The following SIN3B variants were observed in gnomAD, a reference collection of about 807,000 sequenced individuals.
The protein encoded by SIN3B is SIN3 transcription regulator family member B, also known as paired amphipathic helix protein Sin3b.
A neutral mutation model predicts 120.2 loss-of-function variants in SIN3B; 19 were observed. The observed-to-expected ratio is 0.16, with a 90% CI of 0.11 to 0.23. SIN3B has a LOEUF of 0.23. SIN3B is among the 10% of genes least tolerant of loss of function. The probability of loss-of-function intolerance (pLI) is 1.00; values close to 1 mark genes in which losing one functional copy is unlikely to be tolerated. For missense variants in SIN3B, 1,073 were observed against 1,573.0 expected (o/e 0.68, Z 5.38); for synonymous variants, 654 against 653.2 (o/e 1.00, Z -0.02).
At chr19:16,853,973 T>A (rs1971579487) in intron 7 of SIN3B, among the ~76,000 whole-genome samples, 170 bp from the exon 8 acceptor site, 1 of 152,160 alleles carries the variant, frequency 6.6e-6, no homozygotes, top group Non-Finnish European at 1.5e-5. Flanking sequence ...GGCCGTGAAT[T>A]GGTGCATGGA....
At chr19:16,851,230 G>A (rs1197790007) in intron 5 of SIN3B, among the ~76,000 whole-genome samples, 182 bp from the exon 6 acceptor site, 1 of 152,240 alleles carries the variant, frequency 6.6e-6, no homozygotes, top group Non-Finnish European at 1.5e-5. Context: ...TGATGATTCG[G>A]TTACCTTGGA....
chr19:16,829,808 C>T lies in SIN3B; in HGVS notation c.138C>T (p.Thr46=). The part of the protein sequence containing the change: ...KLPVHVEDAL[T]YLDQVKIRFG... ...CTCTGCAGGTAGAAGACGCCCTCAC[C>T]TATCTGGACCAGGTGAAGATCCGCT... The change falls in exon 2 of 19, where the codon ACC becomes ACT. Residue 46 remains threonine, a synonymous_variant. Transcript: ENST00000248054. The T allele has an allele frequency of 6.2e-7, 1 of 1,613,252 alleles. No individual in the cohort carries two copies. The highest frequency in any genetic ancestry group is 1.1e-5 in the South Asian group (1 of 90,966).
At chr19:16,857,691 C>T (rs1362862566) in intron 8 of SIN3B, among the ~76,000 whole-genome samples, 3 of 152,116 alleles carry the variant, frequency 2.0e-5, no homozygotes, top group Non-Finnish European at 4.4e-5. Flanking sequence ...ACTCCAGGAG[C>T]ACCCCCGCAT....
In SIN3B at chr19:16,876,751, C is replaced by T. The variant is rs574399036; in HGVS notation, c.2859+173C>T. Among the ~76,000 whole-genome samples the T allele has an allele frequency of 2.0e-5, 3 of 152,166 alleles. No homozygotes were observed. Among genetic ancestry groups the T allele is most frequent in the Non-Finnish European group, 2.9e-5 (2 of 68,012 alleles). On this transcript the variant is annotated intron_variant, in intron 16 of 18. Transcript: ENST00000248054. The surrounding 1 kb of genome is among the most constrained non-coding windows in gnomAD (Gnocchi z 7.1). ...GGGGTTGCCTCCCTCCCTGCTCCCC[C>T]ACCAGGCTCTCTTCTGTGCCCCCTC...
chr19:16,863,902 C>G lies in SIN3B; in HGVS notation c.1383+106C>G, dbSNP rs908332735. On this transcript the variant is annotated intron_variant, in intron 10 of 18. Coordinates refer to ENST00000248054, the MANE Select transcript of SIN3B (RefSeq NM_001297595.2). ...ACTGCCCCAGTCTCGTTTGGAGGAGCAGGAATTGCAGCACATTCCAACAGC... is the reference window on the plus strand; with the variant it reads ...ACTGCCCCAGTCTCGTTTGGAGGAGGAGGAATTGCAGCACATTCCAACAGC... 7.9e-6 allele frequency: 6 copies of G among 759,992 alleles called. No homozygotes were observed. The African/African-American group carries it at 1.0e-4, about 13-fold the overall frequency. 47.1% of individuals were successfully genotyped at this position (759,992 alleles called of 1,614,324 possible).
rs747935169 is a variant in SIN3B, at chr19:16,829,807, C to G, written c.137C>G (p.Thr46Ser). 3 of 1,613,154 alleles carry G rather than the reference C, an allele frequency of 1.9e-6. No individual in the cohort carries two copies. The highest frequency in any genetic ancestry group is 2.2e-5 in the East Asian group (1 of 44,860). The part of the protein sequence containing the change: ...KLPVHVEDAL[T>S]YLDQVKIRFG... ...TCTCTGCAGGTAGAAGACGCCCTCA[C>G]CTATCTGGACCAGGTGAAGATCCGC... Residue 46 changes from threonine (T) to serine (S), a missense_variant, in exon 2 of 19, where the codon ACC (threonine) becomes AGC (serine). This residue lies in a region of SIN3B where 395 missense variants were observed against 528.0 expected (regional missense o/e 0.75). Transcript: ENST00000248054.
chr19:16,874,222 A>T (rs2608719), intron 14 of SIN3B, among the ~76,000 whole-genome samples: 18,417 of 152,012 alleles, frequency 0.12, 2,495 homozygotes, highest in African/African-American at 0.34. Flanking sequence ...TTTGGAACAT[A>T]TTTTTCCGTG....
chr19:16,876,014 A>G lies in SIN3B; in HGVS notation c.2593-41A>G. 6.6e-7 allele frequency: 1 copy of G among 1,523,274 alleles called. No individual in the cohort carries two copies. The highest frequency in any genetic ancestry group is 8.8e-7 in the Non-Finnish European group (1 of 1,132,758). The allele number at this position is 1,523,274 out of a possible 1,614,324, so 94.4% of individuals were successfully genotyped here. Reference sequence around the variant, plus strand: ...CTGTGGGTGAGGTGGGGACTCCCGCAGGAGGCGGGGTGGCCGCACCACCTG... The same window carrying G: ...CTGTGGGTGAGGTGGGGACTCCCGCGGGAGGCGGGGTGGCCGCACCACCTG... On this transcript the variant is annotated intron_variant, in intron 14 of 18. Transcript: ENST00000248054. The surrounding 1 kb of genome is among the most constrained non-coding windows in gnomAD (Gnocchi z 7.1).
chr19:16,830,032 CT>C, intron 2 of SIN3B, 135 bp downstream of exon 2: 2 of 617,808 alleles, frequency 3.2e-6, no homozygotes, highest in Non-Finnish European at 5.9e-6. Context: ...TCTCAGAGCC[CT>C]AGCTCCTTCT....
chr19:16,862,851 C>CG lies in SIN3B; in HGVS notation c.1266+295dup. On this transcript the variant is annotated intron_variant, in intron 9 of 18. Transcript: ENST00000248054. The surrounding 1 kb of genome is among the most constrained non-coding windows in gnomAD (Gnocchi z 4.7). ...TTGCTGCCATGATTCTGCTCTGTCCCGGGCTCACTGACCTCAGTGTGTTTC... is the reference window on the plus strand; with the variant it reads ...TTGCTGCCATGATTCTGCTCTGTCCCGGGGCTCACTGACCTCAGTGTGTTTC... 1 of 1,526,334 alleles carries CG rather than the reference C, an allele frequency of 6.6e-7. No homozygotes were observed. Among genetic ancestry groups the CG allele is most frequent in the South Asian group, 1.1e-5 (1 of 89,228 alleles). The allele number at this position is 1,526,334 out of a possible 1,614,324, so 94.5% of individuals were successfully genotyped here. A position where few individuals can be genotyped will look rare whatever the true frequency, so the allele number is the denominator to read the frequency against.
At chr19:16,843,582 C>G (rs1323541942) in intron 4 of SIN3B, among the ~76,000 whole-genome samples, 1 of 152,156 alleles carries the variant, frequency 6.6e-6, no homozygotes, top group African/African-American at 2.4e-5. Flanking sequence ...GGGGTCATCA[C>G]ATTTAGGAAG....
chr19:16,830,171 C>T (rs1041890943), intron 2 of SIN3B, among the ~76,000 whole-genome samples: 1 of 152,192 alleles, frequency 6.6e-6, no homozygotes, highest in Non-Finnish European at 1.5e-5. Context: ...CAAATCCTGC[C>T]TTGATTTAAT....
intron 2 of SIN3B, 62 bp downstream of exon 2, chr19:16,829,959 GGT>G: frequency 8.7e-7 from 1 of 1,155,882 alleles, no homozygotes; most frequent in Non-Finnish European, 1.3e-6. Context: ...GGCCTAGCGG[GGT>G]GAGACCTCCC....
At chr19:16,835,303 G>T in intron 3 of SIN3B, among the ~76,000 whole-genome samples, 1 of 144,808 alleles carries the variant, frequency 6.9e-6, no homozygotes, top group African/African-American at 2.6e-5. Flanking sequence ...ATCTTGGCTC[G>T]CTGCATCCTC....
At position 16,854,205 on chromosome 19, in the gene SIN3B, C is replaced by G. The variant is rs1200893243; in HGVS notation, c.1002C>G (p.Phe334Leu). Reference protein sequence around the residue: ...YENFLRCIALFNQELVSGSEL... With the variant: ...YENFLRCIALLNQELVSGSEL... The stretch of plus-strand genomic sequence containing the variant: ...ACTTCCTCCGCTGCATCGCACTCTT[C>G]AACCAGGAGCTGGTGTCTGGCTCTG... The change falls in exon 8 of 19, where the codon TTC becomes TTG. Residue 334 changes from phenylalanine to leucine, a missense_variant. By Grantham distance (22) the Phe-to-Leu change is conservative (BLOSUM62 0). Transcript: ENST00000248054. 1 of 1,613,120 alleles carries G rather than the reference C, an allele frequency of 6.2e-7. No individual in the cohort carries two copies. The highest frequency in any genetic ancestry group is 1.1e-5 in the South Asian group (1 of 91,000).
intron 8 of SIN3B, among the ~76,000 whole-genome samples, chr19:16,856,157 A>G (rs1171276394): frequency 6.6e-6 from 1 of 152,222 alleles, no homozygotes; most frequent in Admixed American, 6.5e-5. Flanking sequence ...TGGCCAGGTC[A>G]GCCTCAGGAA....
rs376961716 is a variant in SIN3B, at chr19:16,878,936, G to A, written c.*209G>A. 1.1e-3 allele frequency: 642 copies of A among 576,142 alleles called. 4 individuals carry two copies. Among genetic ancestry groups the A allele is most frequent in the African/African-American group, 9.2e-3 (484 of 52,642 alleles). 35.7% of individuals were successfully genotyped at this position (576,142 alleles called of 1,614,324 possible). On this transcript the variant is annotated 3_prime_UTR_variant, in exon 19 of 19. Coordinates refer to ENST00000248054, the MANE Select transcript of SIN3B (RefSeq NM_001297595.2). The stretch of plus-strand genomic sequence containing the variant: ...TGCCAAACCTGAGCTACCTGCACCC[G>A]AGCCCTGGGGCTCAGCCCCACCACA...
chr19:16,871,859 C>T (rs73523455), intron 14 of SIN3B, among the ~76,000 whole-genome samples: 1,648 of 152,280 alleles, frequency 0.011, 25 homozygotes, highest in African/African-American at 0.036. Flanking sequence ...AGCAATGCTG[C>T]TCTGAACATT....
rs112082248 is a variant in SIN3B, at chr19:16,877,519, C to T, written c.2860-26C>T. On this transcript the variant is annotated intron_variant, in intron 16 of 18. Transcript: ENST00000248054. ...CCATAGCCCTGCTGTAGGGGCATCA[C>T]GGGCTGTGTCTCTCCCTGTCCCCAG... The T allele has an allele frequency of 1.4e-4, 214 of 1,546,954 alleles. 1 individual carries two copies. In the African/African-American group the frequency reaches 1.5e-3, roughly 11 times the overall value.
Sources: gnomAD v4.1 joint callset for allele counts (sites outside exome capture counted in the v4.1 genomes callset) on GRCh38, gnomAD v4.1.1 for gene constraint, gnomAD v4.1.1 regional missense constraint, Gnocchi (gnomAD v3.1) non-coding constraint, MANE v1.5 for transcripts, NCBI Gene and HGNC (gene_info 2026-07-23, HGNC 2026-07-21) for gene names.